The following SEZ6L variants were observed in gnomAD, a reference collection of about 807,000 sequenced individuals.
SEZ6L encodes the protein seizure 6-like protein.
A neutral mutation model predicts 106.2 loss-of-function variants in SEZ6L; 37 were observed. The ratio of observed to expected loss-of-function variants is 0.35; its 90% CI spans 0.27 to 0.46. The LOEUF is 0.46. Ranked by LOEUF, SEZ6L falls within the 20% of genes least tolerant of loss-of-function variation. The pLI, the probability that SEZ6L is intolerant of heterozygous loss-of-function variation, is 1.00. For missense variants in SEZ6L, 1,172 were observed against 1,332.8 expected (o/e 0.88, Z 1.88); for synonymous variants, 541 against 570.4 (o/e 0.95, Z 0.73).
At chr22:26,189,238 A>C (rs1367911075) in intron 1 of SEZ6L, among the ~76,000 whole-genome samples, 1 of 152,184 alleles carries the variant, frequency 6.6e-6, no homozygotes, top group Non-Finnish European at 1.5e-5. Flanking sequence ...CCACCATTTC[A>C]CAGATGAGGA....
At chr22:26,190,227 C>T (rs549679419) in intron 1 of SEZ6L, among the ~76,000 whole-genome samples, 1 of 152,006 alleles carries the variant, frequency 6.6e-6, no homozygotes, top group East Asian at 1.9e-4. Context: ...TTCCACATAG[C>T]TGAGGTTACC....
At chr22:26,233,328 G>T (rs1263592033) in intron 1 of SEZ6L, among the ~76,000 whole-genome samples, 1 of 152,182 alleles carries the variant, frequency 6.6e-6, no homozygotes, top group Non-Finnish European at 1.5e-5. Context: ...ATCCCCCCTG[G>T]CACATCTTTG....
chr22:26,228,670 G>C (rs976903235), intron 1 of SEZ6L, among the ~76,000 whole-genome samples: 2 of 152,132 alleles, frequency 1.3e-5, no homozygotes, highest in Non-Finnish European at 2.9e-5. Context: ...CCACTTACTG[G>C]GGGCTTGCTT....
At chr22:26,327,511 A>G (rs578018805) in intron 9 of SEZ6L, among the ~76,000 whole-genome samples, 58 of 133,980 alleles carry the variant, frequency 4.3e-4, no homozygotes, top group African/African-American at 1.6e-3. Context: ...CACACCACAC[A>G]CGCCACACAC....
At chr22:26,257,666 G>A (rs1365111778) in intron 1 of SEZ6L, among the ~76,000 whole-genome samples, 1 of 152,096 alleles carries the variant, frequency 6.6e-6, no homozygotes, top group Non-Finnish European at 1.5e-5. Flanking sequence ...GACTAAAGAG[G>A]GAAAACCATG....
chr22:26,351,548 G>GGTTGGTTGGTTTGTTT (rs2083284370), intron 12 of SEZ6L: 55 of 224,398 alleles, frequency 2.5e-4, no homozygotes, highest in South Asian at 6.1e-4. Flanking sequence ...TTTGTTTGTT[G>GGTTGGTTGGTTTGTTT]GTTGGTTGGT....
At chr22:26,270,911 A>T (rs147166743) in intron 1 of SEZ6L, among the ~76,000 whole-genome samples, 3 of 152,322 alleles carry the variant, frequency 2.0e-5, no homozygotes, top group African/African-American at 7.2e-5. Context: ...CAGCCCCTGC[A>T]TTCATTTCAT....
Position 26,329,233 on chromosome 22 carries a change from C to T in SEZ6L, c.2016-11203C>T, listed in dbSNP as rs2082408622. On this transcript the variant is annotated intron_variant, in intron 9 of 16. Transcript: ENST00000248933. ...CTGTAATCCCAGCACTCTGGGAGGC[C>T]AAGGCAGGTGGATCATCTGAGGTCA... is the stretch of plus-strand genomic sequence containing the variant. 4.6e-5 allele frequency among the ~76,000 whole-genome samples: 7 copies of T among 152,172 alleles called. No homozygotes were observed. In the South Asian group the frequency reaches 1.5e-3, roughly 32 times the overall value.
intron 1 of SEZ6L, among the ~76,000 whole-genome samples, chr22:26,277,181 C>CTCTA (rs1205778171): frequency 7.3e-5 from 11 of 151,602 alleles, no homozygotes; most frequent in Non-Finnish European, 1.3e-4. Flanking sequence ...TCACTGCAGC[C>CTCTA]TCTATCTCCT....
intron 1 of SEZ6L, among the ~76,000 whole-genome samples, chr22:26,184,726 T>C (rs1431034894): frequency 6.6e-6 from 1 of 152,146 alleles, no homozygotes; most frequent in Non-Finnish European, 1.5e-5. Context: ...AATGTTTGCA[T>C]AATGGGGTAG....
chr22:26,221,843 T>C (rs1475756909), intron 1 of SEZ6L, among the ~76,000 whole-genome samples: 1 of 152,022 alleles, frequency 6.6e-6, no homozygotes, highest in Non-Finnish European at 1.5e-5. Context: ...GTCAAGAAAG[T>C]TTCATTTCTA....
chr22:26,294,166 C>A, intron 2 of SEZ6L, 126 bp from the exon 3 acceptor site: 2 of 805,924 alleles, frequency 2.5e-6, no homozygotes, highest in East Asian at 2.5e-5. Context: ...GAGGAATTAA[C>A]AGCAGAAGGA....
chr22:26,371,469 A>G (rs1363974888), intron 13 of SEZ6L, among the ~76,000 whole-genome samples: 2 of 152,070 alleles, frequency 1.3e-5, no homozygotes, highest in Non-Finnish European at 2.9e-5. Context: ...AACTACCATC[A>G]GAATATACAC....
chr22:26,221,434 C>A (rs1343063314), intron 1 of SEZ6L, among the ~76,000 whole-genome samples: 3 of 152,138 alleles, frequency 2.0e-5, no homozygotes, highest in Non-Finnish European at 4.4e-5. Flanking sequence ...TTGGCTCTGT[C>A]ACTTTGCTAG....
intron 1 of SEZ6L, among the ~76,000 whole-genome samples, chr22:26,200,432 G>A (rs980380356): frequency 6.6e-6 from 1 of 152,188 alleles, no homozygotes; most frequent in Non-Finnish European, 1.5e-5. Flanking sequence ...CTGACAGCAA[G>A]TCCTTCTTTC....
intron 1 of SEZ6L, among the ~76,000 whole-genome samples, chr22:26,262,721 G>T (rs2080055165): frequency 6.6e-6 from 1 of 152,178 alleles, no homozygotes; most frequent in Non-Finnish European, 1.5e-5. Flanking sequence ...GACGGGAGAA[G>T]GAGGACCAGC....
intron 1 of SEZ6L, among the ~76,000 whole-genome samples, chr22:26,248,703 C>G (rs771474068): frequency 1.8e-4 from 28 of 152,204 alleles, no homozygotes; most frequent in African/African-American, 5.1e-4. Flanking sequence ...AGCAAGGAGA[C>G]AGAATGGTTA....
intron 1 of SEZ6L, among the ~76,000 whole-genome samples, chr22:26,192,266 C>G (rs1050626587): frequency 6.6e-6 from 1 of 152,134 alleles, no homozygotes; most frequent in Admixed American, 6.5e-5. Flanking sequence ...ATTCATCAAC[C>G]CATCCTATGC....
chr22:26,347,927 T>G lies in SEZ6L; in HGVS notation c.2407+14T>G, dbSNP rs781305550. The G allele has an allele frequency of 6.5e-7, 1 of 1,549,020 alleles. No individual in the cohort carries two copies. Among genetic ancestry groups the G allele is most frequent in the South Asian group, 1.2e-5 (1 of 80,864 alleles). The stretch of plus-strand genomic sequence containing the variant: ...TTTGTGAGAAAAGTAAGAGTGGTCT[T>G]GTTTCCTTCCTCTAGGTCCCTGGGT... On this transcript the variant is annotated intron_variant, in intron 11 of 16. Coordinates refer to ENST00000248933, the MANE Select transcript of SEZ6L (RefSeq NM_021115.5).
Sources: gnomAD v4.1 joint callset for allele counts (sites outside exome capture counted in the v4.1 genomes callset) on GRCh38, gnomAD v4.1.1 for gene constraint, MANE v1.5 for transcripts, NCBI Gene and HGNC (gene_info 2026-07-23, HGNC 2026-07-21) for gene names.